Variants in HSD17B12 observed in about 807,000 individuals in gnomAD.
HSD17B12 encodes very-long-chain 3-oxoacyl-CoA reductase.
In HSD17B12, 32 loss-of-function variants were observed where a neutral mutation model predicts 39.3. The ratio of observed to expected loss-of-function variants is 0.81; its 90% CI spans 0.61 to 1.09. The LOEUF is 1.09. Ranked by LOEUF, HSD17B12 falls within the 50% of genes least tolerant of loss-of-function variation. HSD17B12 has a pLI of 0.00. For synonymous variants in HSD17B12, 150 were observed against 146.7 expected, an observed-to-expected ratio of 1.02 and a Z score of -0.16; for missense variants, 342 against 382.9, an observed-to-expected ratio of 0.89 and a Z score of 0.89.
intron 6 of HSD17B12, among the ~76,000 whole-genome samples, chr11:43,824,708 G>A (rs1458971181): frequency 6.6e-6 from 1 of 152,164 alleles, no homozygotes; most frequent in Non-Finnish European, 1.5e-5. Flanking sequence ...GTTTTGGAGG[G>A]GTGGAGGTTG....
the HSD17B12 span, among the ~76,000 whole-genome samples, chr11:43,639,807 C>A: frequency 6.6e-6 from 1 of 152,272 alleles, no homozygotes. Context: ...AGGGTCAGTT[C>A]TGAGCAAGAT....
Position 43,817,701 on chromosome 11 carries a change from C to T in HSD17B12, c.501+1310C>T, listed in dbSNP as rs552573982. Among the ~76,000 whole-genome samples the T allele has an allele frequency of 4.6e-5, 7 of 152,096 alleles. No individual in the cohort carries two copies. The South Asian group carries it at 1.5e-3, about 32-fold the overall frequency. On this transcript the variant is annotated intron_variant, in intron 6 of 10. Coordinates refer to ENST00000278353, the MANE Select transcript of HSD17B12 (RefSeq NM_016142.3). ...TTCTCTGTTCTGTTCAGTTGGTCTA[C>T]GTGCCTATTTTTATACCAGTCCCAT...
intron 3 of HSD17B12, among the ~76,000 whole-genome samples, chr11:43,767,204 T>TAA (rs398045163): frequency 5.3e-4 from 77 of 146,282 alleles, no homozygotes; most frequent in East Asian, 2.8e-3. Context: ...GACTTTTGTG[T>TAA]AAAAAAAAAA....
At chr11:43,622,722 C>T in the HSD17B12 span, among the ~76,000 whole-genome samples, 6 of 151,998 alleles carry the variant, frequency 3.9e-5, no homozygotes, top group African/African-American at 1.4e-4. Flanking sequence ...CTCCTGTCCC[C>T]TTGATTTTAC....
intron 6 of HSD17B12, chr11:43,830,089 C>T (rs911819458): frequency 1.5e-4 from 23 of 152,158 alleles, no homozygotes; most frequent in African/African-American, 5.6e-4. Context: ...AAATTCCCTT[C>T]TCATCAGAAT....
chr11:43,811,024 G>A (rs1001152680), intron 4 of HSD17B12, among the ~76,000 whole-genome samples: 1 of 152,146 alleles, frequency 6.6e-6, no homozygotes, highest in African/African-American at 2.4e-5. Flanking sequence ...AGATGGCATT[G>A]CGTGCACCCA....
the HSD17B12 span, among the ~76,000 whole-genome samples, chr11:43,560,482 C>T: frequency 6.6e-6 from 1 of 152,194 alleles, no homozygotes; most frequent in Non-Finnish European, 1.5e-5. Flanking sequence ...CTATTGCCTT[C>T]CTTCTGCATT....
the HSD17B12 span, among the ~76,000 whole-genome samples, chr11:43,601,701 A>T: frequency 6.6e-6 from 1 of 152,178 alleles, no homozygotes; most frequent in African/African-American, 2.4e-5. Context: ...TCAGGACATG[A>T]TGCTGGCGTC....
intron 3 of HSD17B12, among the ~76,000 whole-genome samples, chr11:43,755,885 A>G (rs938910218): frequency 1.3e-5 from 2 of 152,216 alleles, no homozygotes; most frequent in Non-Finnish European, 2.9e-5. Flanking sequence ...TTGTAAAGAA[A>G]AAGAAGTTTA....
intron 6 of HSD17B12, among the ~76,000 whole-genome samples, chr11:43,826,316 C>T (rs907104796): frequency 4.6e-5 from 7 of 152,000 alleles, no homozygotes; most frequent in African/African-American, 1.7e-4. Context: ...ATCTCCTGAC[C>T]TCGTGATCTG....
At chr11:43,821,691 C>T (rs561625656) in intron 6 of HSD17B12, among the ~76,000 whole-genome samples, 4 of 152,086 alleles carry the variant, frequency 2.6e-5, no homozygotes, top group Non-Finnish European at 4.4e-5. Context: ...GGAGAAGTGC[C>T]GCGTCTCCAG....
chr11:43,708,533 C>A (rs1451279962), intron 1 of HSD17B12, among the ~76,000 whole-genome samples: 1 of 152,166 alleles, frequency 6.6e-6, no homozygotes, highest in Non-Finnish European at 1.5e-5. Flanking sequence ...ATAAGAATAA[C>A]CCCATTTTTG....
chr11:43,677,693 G>GT (rs67783378), upstream of HSD17B12, among the ~76,000 whole-genome samples: 141,310 of 151,292 alleles, frequency 0.93, 66,739 homozygotes, highest in East Asian at 1. Context: ...AACATGTGGT[G>GT]TTGGGTTTTT....
At chr11:43,738,616 G>T (rs1227473978) in intron 1 of HSD17B12, among the ~76,000 whole-genome samples, 1 of 152,174 alleles carries the variant, frequency 6.6e-6, no homozygotes, top group Non-Finnish European at 1.5e-5. Flanking sequence ...AGTGGGTAGG[G>T]TCATAAAAGG....
At chr11:43,590,115 A>G in the HSD17B12 span, among the ~76,000 whole-genome samples, 1 of 152,118 alleles carries the variant, frequency 6.6e-6, no homozygotes, top group East Asian at 1.9e-4. Context: ...AAGGAAGGAG[A>G]AAAGTGAATG....
chr11:43,563,569 C>G, the HSD17B12 span, among the ~76,000 whole-genome samples: 1 of 152,324 alleles, frequency 6.6e-6, no homozygotes, highest in South Asian at 2.1e-4. Context: ...AATCCTAGCA[C>G]CTTGGGAGGC....
In HSD17B12 at chr11:43,690,387, TATATATATATA is replaced by T. The variant is rs1298514728; in HGVS notation, c.160+9401_160+9411del. Among the ~76,000 whole-genome samples the T allele has an allele frequency of 2.9e-3, 56 of 19,290 alleles. 3 individuals carry two copies. Among genetic ancestry groups the T allele is most frequent in the African/African-American group, 8.0e-3 (42 of 5,224 alleles). The allele number at this position is 19,290 out of a possible 152,430, so 12.7% of individuals were successfully genotyped here. On this transcript the variant is annotated intron_variant, in intron 1 of 10. Coordinates refer to ENST00000278353, the MANE Select transcript of HSD17B12 (RefSeq NM_016142.3). Reference sequence around the variant, plus strand: ...ATATATATATATATATATATATATATATATATATATATATATATTTTTTTTTTTTTTTTTCT... The same window carrying T: ...ATATATATATATATATATATATATATTATATATTTTTTTTTTTTTTTTTCT...
chr11:43,706,689 G>GGTGTGTGTGTGTGTGTGTGTGTGTGTGT (rs147962977), intron 1 of HSD17B12, among the ~76,000 whole-genome samples: 2 of 137,820 alleles, frequency 1.5e-5, no homozygotes, highest in Admixed American at 1.5e-4. Flanking sequence ...TGAATGAAGG[G>GGTGTGTGTGTGTGTGTGTGTGTGTGTGT]GTGTGTGTGT....
At chr11:43,843,705 C>T (rs1951448255) in intron 9 of HSD17B12, among the ~76,000 whole-genome samples, 1 of 152,164 alleles carries the variant, frequency 6.6e-6, no homozygotes, top group South Asian at 2.1e-4. Flanking sequence ...GCTGCTGTCC[C>T]TCTCTCAAGG....
Sources: gnomAD v4.1 joint callset for allele counts (sites outside exome capture counted in the v4.1 genomes callset) on GRCh38, gnomAD v4.1.1 for gene constraint, MANE v1.5 for transcripts, NCBI Gene and HGNC (gene_info 2026-07-23, HGNC 2026-07-21) for gene names.